The following SIDT2 variants were observed in gnomAD, a reference collection of about 807,000 sequenced individuals.
SIDT2 encodes SID1 transmembrane family member 2, also known as SID1 transmembrane family, member 2.
SIDT2 carries 68 observed loss-of-function variants against 114.4 expected under a neutral mutation model. That is an observed-to-expected ratio of 0.59 (90% CI 0.49 to 0.73). The LOEUF (loss-of-function observed/expected upper bound fraction) is 0.73, where lower values mean the gene tolerates loss of function less well. Ranked by LOEUF, SIDT2 falls within the 30% of genes least tolerant of loss-of-function variation. The pLI, the probability that SIDT2 is intolerant of heterozygous loss-of-function variation, is 0.00. For synonymous variants in SIDT2, 470 were observed against 438.4 expected, an observed-to-expected ratio of 1.07 and a Z score of -0.90; for missense variants, 918 against 1,097.1, an observed-to-expected ratio of 0.84 and a Z score of 2.31.
Position 117,190,120 on chromosome 11 carries a change from C to T in SIDT2, c.1494-46C>T, listed in dbSNP as rs1339098113. 9 of 1,609,304 alleles carry T rather than the reference C, an allele frequency of 5.6e-6. No homozygotes were observed. The highest frequency in any genetic ancestry group is 6.8e-6 in the Non-Finnish European group (8 of 1,177,156). On this transcript the variant is annotated intron_variant, in intron 16 of 25. Transcript: ENST00000324225. This position sits in a 1 kb window ranked among gnomAD's most constrained non-coding sequence, Gnocchi z 4.1. ...ATGCCCACGTGGGCTAGGGAAGAGGCCTGGGTGTGAGTCCCAAGCAGTCTG... is the reference window on the plus strand; with the variant it reads ...ATGCCCACGTGGGCTAGGGAAGAGGTCTGGGTGTGAGTCCCAAGCAGTCTG...
At position 117,196,540 on chromosome 11, in the gene SIDT2, C is replaced by A. The variant is rs1239836866; in HGVS notation, c.*474C>A. 1 of 177,620 alleles carries A rather than the reference C, an allele frequency of 5.6e-6. No homozygotes were observed. Among genetic ancestry groups the A allele is most frequent in the African/African-American group, 2.4e-5 (1 of 41,976 alleles). The allele number at this position is 177,620 out of a possible 1,614,324, so 11.0% of individuals were successfully genotyped here. On this transcript the variant is annotated 3_prime_UTR_variant, in exon 26 of 26. Coordinates refer to ENST00000324225, the MANE Select transcript of SIDT2 (RefSeq NM_001040455.2). This position sits in a 1 kb window ranked among gnomAD's most constrained non-coding sequence, Gnocchi z 4.9. ...TGAATCTCTGTCCTGTATCAGGGCCCCAGTTCTCTTTGGGCTGTCCCTGGC... is the reference window on the plus strand; with the variant it reads ...TGAATCTCTGTCCTGTATCAGGGCCACAGTTCTCTTTGGGCTGTCCCTGGC...
chr11:117,182,238 G>A, intron 4 of SIDT2, 133 bp downstream of exon 4: 1 of 1,045,212 alleles, frequency 9.6e-7, no homozygotes, highest in Non-Finnish European at 1.4e-6. Context: ...GGAAACAGGA[G>A]CTCTGGCCCT....
chr11:117,189,611 A>G (rs2030627319), intron 15 of SIDT2: 2 of 617,492 alleles, frequency 3.2e-6, no homozygotes, highest in African/African-American at 1.8e-5. Flanking sequence ...AGCAGCCCGC[A>G]CTAAAGATAG....
intron 15 of SIDT2, 99 bp downstream of exon 15, chr11:117,189,500 C>T (rs2030623193): frequency 7.6e-7 from 1 of 1,319,478 alleles, no homozygotes; most frequent in Non-Finnish European, 1.1e-6. Flanking sequence ...ATCACAGGAC[C>T]TGGGTTCAGA....
intron 24 of SIDT2, chr11:117,194,260 C>T: frequency 3.6e-6 from 1 of 280,202 alleles, no homozygotes; most frequent in Non-Finnish European, 6.8e-6. Context: ...CTGCAGTGAG[C>T]CAAGATTGCA....
In SIDT2 at chr11:117,192,532, G is replaced by C; in HGVS notation, c.1982-42G>C. The stretch of plus-strand genomic sequence containing the variant: ...CACATCCCAGGGGTCCAGCAAAGGA[G>C]GGTGCCCCGTGCCTGTCAGCACCAC... On this transcript the variant is annotated intron_variant, in intron 20 of 25. Transcript: ENST00000324225. The surrounding 1 kb of genome is among the most constrained non-coding windows in gnomAD (Gnocchi z 5.9). 6.2e-7 allele frequency: 1 copy of C among 1,601,564 alleles called. No individual in the cohort carries two copies. The highest frequency in any genetic ancestry group is 1.1e-5 in the South Asian group (1 of 91,032).
chr11:117,190,870 G>T lies in SIDT2; in HGVS notation c.1735+130G>T. ...GGAAACTCCAAGGCTGGCGTGCCTG[G>T]GTGTGCACACATCCTAGCCTATGGA... On this transcript the variant is annotated intron_variant, in intron 18 of 25. Coordinates refer to ENST00000324225, the MANE Select transcript of SIDT2 (RefSeq NM_001040455.2). This position sits in a 1 kb window ranked among gnomAD's most constrained non-coding sequence, Gnocchi z 4.1. The T allele has an allele frequency of 1.4e-6, 1 of 693,112 alleles. No homozygotes were observed. The highest frequency in any genetic ancestry group is 1.7e-5 in the South Asian group (1 of 59,312). 42.9% of individuals were successfully genotyped at this position (693,112 alleles called of 1,614,324 possible). A position where few individuals can be genotyped will look rare whatever the true frequency, so the allele number is the denominator to read the frequency against.
chr11:117,191,804 T>C lies in SIDT2; in HGVS notation c.1736-74T>C, dbSNP rs560573505. 5.3e-5 allele frequency: 83 copies of C among 1,569,068 alleles called. 1 individual carries two copies. The South Asian group carries it at 9.1e-4, about 17-fold the overall frequency. ...ACCAGGGCTCTCTCTTCCTCTGGGA[T>C]TGTTGGGGCCAGGAGTTCTCTGCTG... On this transcript the variant is annotated intron_variant, in intron 18 of 25. Transcript: ENST00000324225.
At position 117,179,396 on chromosome 11, in the gene SIDT2, A is replaced by G; in HGVS notation, c.133A>G (p.Ser45Gly). ...GCGCACCTACGTGGACGAGGTCAAC[A>G]GCGAGCTGGTCAACATCTACACCTT... is the stretch of plus-strand genomic sequence containing the variant. ...FERTYVDEVN[S>G]ELVNIYTFNH... Residue 45 changes from serine to glycine, a missense_variant, in exon 1 of 26, where the codon AGC becomes GGC. Physicochemically the swap from Ser to Gly is moderately conservative, Grantham distance 56. Transcript: ENST00000324225. 2 of 1,614,082 alleles carry G rather than the reference A, an allele frequency of 1.2e-6. No homozygotes were observed. Among genetic ancestry groups the G allele is most frequent in the Non-Finnish European group, 1.7e-6 (2 of 1,180,024 alleles).
In SIDT2 at chr11:117,190,574, C is replaced by A; in HGVS notation, c.1618-49C>A. 1 of 1,476,202 alleles carries A rather than the reference C, an allele frequency of 6.8e-7. No homozygotes were observed. Among genetic ancestry groups the A allele is most frequent in the Non-Finnish European group, 9.3e-7 (1 of 1,078,716 alleles). 91.4% of individuals were successfully genotyped at this position (1,476,202 alleles called of 1,614,324 possible). A position where few individuals can be genotyped will look rare whatever the true frequency, so the allele number is the denominator to read the frequency against. On this transcript the variant is annotated intron_variant, in intron 17 of 25. Transcript: ENST00000324225. This position sits in a 1 kb window ranked among gnomAD's most constrained non-coding sequence, Gnocchi z 4.1. ...GTCCCTCTTTTGGGTCCCTTCTTCC[C>A]TTCCTGCCTCACTTCCTCCCTCCCT... is the stretch of plus-strand genomic sequence containing the variant.
At chr11:117,183,032 T>A (rs1415901393) in intron 6 of SIDT2, among the ~76,000 whole-genome samples, 2 of 152,182 alleles carry the variant, frequency 1.3e-5, no homozygotes, top group Non-Finnish European at 2.9e-5. Context: ...CTGGCTGTCA[T>A]ACCTACTTCA....
At chr11:117,195,732 T>C (rs763017351) in intron 24 of SIDT2, 70 bp from the exon 25 acceptor site, 384 of 1,533,042 alleles carry the variant, frequency 2.5e-4, no homozygotes, top group Middle Eastern at 3.4e-4. Context: ...AGGAGCAAGA[T>C]GGCAGATGGG....
chr11:117,190,516 C>A lies in SIDT2; in HGVS notation c.1618-107C>A. The A allele has an allele frequency of 1.1e-6, 1 of 919,184 alleles. No homozygotes were observed. Among genetic ancestry groups the A allele is most frequent in the Non-Finnish European group, 1.5e-6 (1 of 648,798 alleles). 56.9% of individuals were successfully genotyped at this position (919,184 alleles called of 1,614,324 possible). On this transcript the variant is annotated intron_variant, in intron 17 of 25. Coordinates refer to ENST00000324225, the MANE Select transcript of SIDT2 (RefSeq NM_001040455.2). The surrounding 1 kb of genome is among the most constrained non-coding windows in gnomAD (Gnocchi z 4.1). ...CCTGCACACCCACACTCGACACATA[C>A]CCCACCCCTTTTCCTCTTCCACTCC...
rs1035550059 is a variant in SIDT2 at position 117,186,925 on chromosome 11, T to C, written c.1015+289T>C. ...GTCTCTGGGATTATTAACCTTTCCT[T>C]CTCTCTCTCTTCCACCCCTCCCTCT... On this transcript the variant is annotated intron_variant, in intron 10 of 25. Transcript: ENST00000324225. The C allele has an allele frequency of 1.2e-5, 17 of 1,439,740 alleles. No individual in the cohort carries two copies. In the African/African-American group the frequency reaches 2.3e-4, roughly 19 times the overall value. The allele number at this position is 1,439,740 out of a possible 1,614,324, so 89.2% of individuals were successfully genotyped here. A position where few individuals can be genotyped will look rare whatever the true frequency, so the allele number is the denominator to read the frequency against.
Position 117,194,361 on chromosome 11 carries a change from C to G in SIDT2, c.2322+398C>G, listed in dbSNP as rs549108920. On this transcript the variant is annotated intron_variant, in intron 24 of 25. Transcript: ENST00000324225. ...AACACCTACCATAGGCCAGCACTTT[C>G]ATAGCGGCTTCCCCAGTTAATCCTC... Among the ~76,000 whole-genome samples, 5 of 152,310 alleles carry G rather than the reference C, an allele frequency of 3.3e-5. No individual in the cohort carries two copies. The South Asian group carries it at 1.0e-3, about 32-fold the overall frequency.
chr11:117,187,952 T>C (rs1366945945), intron 12 of SIDT2: 2 of 664,838 alleles, frequency 3.0e-6, no homozygotes, highest in Non-Finnish European at 5.5e-6. Context: ...TGCATTGCCA[T>C]GGGTAGACCT....
At position 117,179,578 on chromosome 11, in the gene SIDT2, C is replaced by G. The variant is rs114645627; in HGVS notation, c.183+132C>G. ...CTGCTAGGTTCCCAGTTCCCAGAACCACACTGGAGCCTCTTGACCAGTCCT... is the reference window on the plus strand; with the variant it reads ...CTGCTAGGTTCCCAGTTCCCAGAACGACACTGGAGCCTCTTGACCAGTCCT... On this transcript the variant is annotated intron_variant, in intron 1 of 25. Coordinates refer to ENST00000324225, the MANE Select transcript of SIDT2 (RefSeq NM_001040455.2). The G allele has an allele frequency of 2.3e-3, 1,972 of 849,646 alleles. 27 individuals carry two copies. In the African/African-American group the frequency reaches 0.03, roughly 13 times the overall value. 52.6% of individuals were successfully genotyped at this position (849,646 alleles called of 1,614,324 possible). A position where few individuals can be genotyped will look rare whatever the true frequency, so the allele number is the denominator to read the frequency against.
Position 117,192,975 on chromosome 11 carries a change from A to G in SIDT2, c.2105+109A>G, listed in dbSNP as rs563722508. Reference sequence around the variant, plus strand: ...AACTTCCAAATGTTGGGCATAAGACATGGGGGCTAAGAGAGATCTTGGCCT... The same window carrying G: ...AACTTCCAAATGTTGGGCATAAGACGTGGGGGCTAAGAGAGATCTTGGCCT... On this transcript the variant is annotated intron_variant, in intron 22 of 25. Coordinates refer to ENST00000324225, the MANE Select transcript of SIDT2 (RefSeq NM_001040455.2). The surrounding 1 kb of genome is among the most constrained non-coding windows in gnomAD (Gnocchi z 5.9). 95 of 1,453,948 alleles carry G rather than the reference A, an allele frequency of 6.5e-5. No individual in the cohort carries two copies. The African/African-American group carries it at 1.3e-3, about 20-fold the overall frequency. The allele number at this position is 1,453,948 out of a possible 1,614,324, so 90.1% of individuals were successfully genotyped here. A position where few individuals can be genotyped will look rare whatever the true frequency, so the allele number is the denominator to read the frequency against.
intron 22 of SIDT2, 91 bp from the exon 23 acceptor site, chr11:117,193,062 A>C: frequency 7.0e-7 from 1 of 1,438,066 alleles, no homozygotes; most frequent in South Asian, 1.1e-5. Flanking sequence ...ACACAGCCCA[A>C]CATCATAATA....
Sources: allele counts gnomAD v4.1 joint callset (sites outside exome capture counted in the v4.1 genomes callset), GRCh38; gene constraint gnomAD v4.1.1; non-coding constraint Gnocchi (gnomAD v3.1); transcripts MANE v1.5; gene names NCBI Gene and HGNC (gene_info 2026-07-23, HGNC 2026-07-21).